ADCY2: variants seen among roughly 807,000 people sequenced by gnomAD.
The protein encoded by ADCY2 is adenylate cyclase type 2.
ADCY2 carries 31 observed loss-of-function variants against 125.2 expected under a neutral mutation model. The ratio of observed to expected loss-of-function variants is 0.25; its 90% confidence interval spans 0.19 to 0.33. The LOEUF (loss-of-function observed/expected upper bound fraction) is 0.33, where lower values mean the gene tolerates loss of function less well. Ranked by LOEUF, ADCY2 falls within the 10% of genes least tolerant of loss-of-function variation. ADCY2 has a pLI of 1.00. For synonymous variants in ADCY2, 512 were observed against 548.4 expected (o/e 0.93, Z 0.93); for missense variants, 904 against 1,418.2 (o/e 0.64, Z 5.82).
At chr5:7,787,066 G>A (rs1202608183) in intron 19 of ADCY2, among the ~76,000 whole-genome samples, 6 of 152,222 alleles carry the variant, frequency 3.9e-5, no homozygotes, top group African/African-American at 9.6e-5. Context: ...AAGCAAATTC[G>A]GTGTCTCTTC....
intron 4 of ADCY2, among the ~76,000 whole-genome samples, chr5:7,648,913 A>G (rs1213223291): frequency 6.6e-6 from 1 of 152,186 alleles, no homozygotes; most frequent in Non-Finnish European, 1.5e-5. Flanking sequence ...AAGATAAGCT[A>G]TAGAACTTAG....
chr5:7,683,936 C>A (rs1261159871), intron 4 of ADCY2, among the ~76,000 whole-genome samples: 3 of 152,212 alleles, frequency 2.0e-5, no homozygotes, highest in South Asian at 2.1e-4. Context: ...CAGAAGAAAT[C>A]CAAAGGCTGG....
At chr5:7,397,714 A>C (rs532795202) in intron 1 of ADCY2, among the ~76,000 whole-genome samples, 58 of 152,252 alleles carry the variant, frequency 3.8e-4, no homozygotes, top group Non-Finnish European at 7.2e-4. Flanking sequence ...AAATAAAAAA[A>C]TTCCCCCACA....
At chr5:7,397,962 AG>A (rs1234085009) in intron 1 of ADCY2, among the ~76,000 whole-genome samples, 6 of 152,192 alleles carry the variant, frequency 3.9e-5, no homozygotes, top group Admixed American at 6.5e-5. Flanking sequence ...TACTACTTTT[AG>A]GAACAAAAAG....
At chr5:7,423,700 A>T (rs1340443528) in intron 2 of ADCY2, among the ~76,000 whole-genome samples, 3 of 152,190 alleles carry the variant, frequency 2.0e-5, no homozygotes, top group Non-Finnish European at 4.4e-5. Flanking sequence ...AGACTAATAC[A>T]CTGGCTTGGC....
At chr5:7,410,433 GA>G (rs1739663747) in intron 1 of ADCY2, among the ~76,000 whole-genome samples, 1 of 152,100 alleles carries the variant, frequency 6.6e-6, no homozygotes, top group Non-Finnish European at 1.5e-5. Context: ...GTCACATAAG[GA>G]ATAAAAGTGA....
chr5:7,636,071 A>G (rs377168223), intron 4 of ADCY2, among the ~76,000 whole-genome samples: 38 of 152,202 alleles, frequency 2.5e-4, no homozygotes, highest in African/African-American at 8.4e-4. Flanking sequence ...ACCTGTGTCT[A>G]GTTTATTCCT....
At chr5:7,780,813 T>G (rs550345194) in intron 18 of ADCY2, among the ~76,000 whole-genome samples, 8 of 149,936 alleles carry the variant, frequency 5.3e-5, no homozygotes, top group Non-Finnish European at 1.1e-4. Context: ...AGTGTTTGCC[T>G]TCAGGTTAGA....
At chr5:7,734,689 G>T (rs534483288) in intron 14 of ADCY2, among the ~76,000 whole-genome samples, 1 of 152,144 alleles carries the variant, frequency 6.6e-6, no homozygotes, top group Non-Finnish European at 1.5e-5. Flanking sequence ...CAGGATAAAT[G>T]GTTAAAATTA....
chr5:7,520,950 G>T, intron 3 of ADCY2, 51 bp downstream of exon 3: 1 of 1,604,110 alleles, frequency 6.2e-7, no homozygotes, highest in South Asian at 1.1e-5. Flanking sequence ...TCCCACCAGG[G>T]GGTGAGGCAG....
chr5:7,749,016 T>G (rs754941483), intron 15 of ADCY2, among the ~76,000 whole-genome samples: 1 of 151,560 alleles, frequency 6.6e-6, no homozygotes, highest in Non-Finnish European at 1.5e-5. Context: ...GTGGGGTGAG[T>G]CACAGGCAGA....
chr5:7,654,310 C>A (rs1445489510), intron 4 of ADCY2: 1 of 363,786 alleles, frequency 2.7e-6, no homozygotes, highest in Non-Finnish European at 5.4e-6. Flanking sequence ...GGAGAAGCCT[C>A]ACTGCAGCAC....
At chr5:7,752,894 CT>C (rs11319936) in intron 15 of ADCY2, among the ~76,000 whole-genome samples, 84,315 of 94,366 alleles carry the variant, frequency 0.89, 37,602 homozygotes, top group Middle Eastern at 0.97. Flanking sequence ...TAGGATTTTC[CT>C]TTTTTTTTTT....
chr5:7,485,822 A>G (rs2126480384), intron 2 of ADCY2, among the ~76,000 whole-genome samples: 1 of 152,320 alleles, frequency 6.6e-6, no homozygotes, highest in Non-Finnish European at 1.5e-5. Flanking sequence ...TATGTGGTAC[A>G]ATCTTGTTTT....
intron 2 of ADCY2, among the ~76,000 whole-genome samples, chr5:7,445,949 A>G (rs1741235819): frequency 6.6e-6 from 1 of 152,058 alleles, no homozygotes; most frequent in African/African-American, 2.4e-5. Context: ...TTTCTCCTTC[A>G]ATTCTGGTGC....
chr5:7,731,265 T>C (rs1742096026), intron 14 of ADCY2, among the ~76,000 whole-genome samples: 1 of 151,558 alleles, frequency 6.6e-6, no homozygotes, highest in Non-Finnish European at 1.5e-5. Flanking sequence ...TTTTTTTTTT[T>C]TTTTTGATGG....
intron 20 of ADCY2, chr5:7,794,193 G>C (rs555583260): frequency 2.6e-5 from 4 of 152,098 alleles, no homozygotes; most frequent in Non-Finnish European, 5.9e-5. Flanking sequence ...CGGGCTGCAG[G>C]GTTCTCTGTA....
intron 2 of ADCY2, among the ~76,000 whole-genome samples, chr5:7,494,565 G>C (rs1209107258): frequency 6.6e-6 from 1 of 152,070 alleles, no homozygotes; most frequent in Non-Finnish European, 1.5e-5. Flanking sequence ...ACCCATCCTA[G>C]TGAGCAAGGT....
chr5:7,752,929 T>C (rs1324444097), intron 15 of ADCY2, among the ~76,000 whole-genome samples: 1 of 145,170 alleles, frequency 6.9e-6, no homozygotes, highest in Non-Finnish European at 1.5e-5. Context: ...GACACAGTCT[T>C]GCTCTGTCAC....
Sources: gnomAD v4.1 joint callset for allele counts (sites outside exome capture counted in the v4.1 genomes callset) on GRCh38, gnomAD v4.1.1 for gene constraint, MANE v1.5 for transcripts, NCBI Gene and HGNC (gene_info 2026-07-23, HGNC 2026-07-21) for gene names.